The following DDX17 variants were observed in gnomAD, a reference collection of about 807,000 sequenced individuals.
DDX17 encodes the protein DEAD-box helicase 17.
DDX17 carries 10 observed loss-of-function variants against 80.8 expected under a neutral mutation model. The observed-to-expected ratio is 0.12, with a 90% CI of 0.08 to 0.21. The LOEUF (loss-of-function observed/expected upper bound fraction) is 0.21, where lower values mean the gene tolerates loss of function less well. Among genes scored for constraint, DDX17 ranks in the 10% least tolerant of loss-of-function variants. The pLI is 1.00. For missense variants in DDX17, 586 were observed against 957.4 expected, an observed-to-expected ratio of 0.61 and a Z score of 5.12; for synonymous variants, 339 against 336.2, an observed-to-expected ratio of 1.01 and a Z score of -0.09.
At chr22:38,497,101 G>A (rs2089775909) in intron 5 of DDX17, among the ~76,000 whole-genome samples, 1 of 151,706 alleles carries the variant, frequency 6.6e-6, no homozygotes, top group Non-Finnish European at 1.5e-5. Flanking sequence ...TTCGAGACCA[G>A]TCTGGCCAAC....
Position 38,484,374 on chromosome 22 carries a change from T to C in DDX17, c.*1561A>G, listed in dbSNP as rs930125450. 3.3e-5 allele frequency: 5 copies of C among 152,254 alleles called. No homozygotes were observed. Among genetic ancestry groups the C allele is most frequent in the Non-Finnish European group, 7.4e-5 (5 of 68,026 alleles). The allele number at this position is 152,254 out of a possible 1,614,324, so 9.4% of individuals were successfully genotyped here. On this transcript the variant is annotated 3_prime_UTR_variant, in exon 13 of 13. Coordinates refer to ENST00000403230, the MANE Select transcript of DDX17 (RefSeq NM_006386.5). ...TACCTGTATGTTGCACATTGAATCA[T>C]ACTTTCAGAACCCCTCAGAAACCAT...
chr22:38,497,785 C>CA lies in DDX17; in HGVS notation c.738+299dup, dbSNP rs577444667. On this transcript the variant is annotated intron_variant, in intron 5 of 12. Coordinates refer to ENST00000403230, the MANE Select transcript of DDX17 (RefSeq NM_006386.5). ...CTCAAAAAAACACAAAAAATCAAAACAAAAAAACAAAAAAAACCACACCAA... is the reference window on the plus strand; with the variant it reads ...CTCAAAAAAACACAAAAAATCAAAACAAAAAAAACAAAAAAAACCACACCAA... Among the ~76,000 whole-genome samples the CA allele has an allele frequency of 7.9e-5, 12 of 151,440 alleles. No homozygotes were observed. The South Asian group carries it at 1.7e-3, about 21-fold the overall frequency.
At chr22:38,504,784 A>AT (rs1232795775) in intron 1 of DDX17, among the ~76,000 whole-genome samples, 1 of 152,180 alleles carries the variant, frequency 6.6e-6, no homozygotes, top group Non-Finnish European at 1.5e-5. Context: ...TTATCTCTTA[A>AT]TTCCTGACAA....
chr22:38,498,022 A>G (rs890275673), intron 5 of DDX17, 63 bp downstream of exon 5: 2 of 1,499,276 alleles, frequency 1.3e-6, no homozygotes, highest in African/African-American at 2.8e-5. Flanking sequence ...TAAAGCACCA[A>G]GCCTAAATAG....
chr22:38,489,850 G>A lies in DDX17; in HGVS notation c.1448-1735C>T, dbSNP rs904181365. On this transcript the variant is annotated intron_variant, in intron 11 of 12. Transcript: ENST00000403230. The surrounding 1 kb of genome is among the most constrained non-coding windows in gnomAD (Gnocchi z 4.6). ...GGGCCAGGGTGGATGTAAGACAGGG[G>A]GTGGGGAATTCTACTCCATGGTATC... 1 of 985,824 alleles carries A rather than the reference G, an allele frequency of 1.0e-6. No individual in the cohort carries two copies. The highest frequency in any genetic ancestry group is 1.7e-5 in the African/African-American group (1 of 57,212). 61.1% of individuals were successfully genotyped at this position (985,824 alleles called of 1,614,324 possible).
At chr22:38,498,905 C>T (rs1280088693) in intron 3 of DDX17, among the ~76,000 whole-genome samples, 1 of 152,118 alleles carries the variant, frequency 6.6e-6, no homozygotes, top group African/African-American at 2.4e-5. Flanking sequence ...ATTCCAGCTA[C>T]TCGGGAGGGT....
At position 38,489,490 on chromosome 22, in the gene DDX17, A is replaced by C; in HGVS notation, c.1448-1375T>G. 1 of 985,696 alleles carries C rather than the reference A, an allele frequency of 1.0e-6. No individual in the cohort carries two copies. Among genetic ancestry groups the C allele is most frequent in the Non-Finnish European group, 1.2e-6 (1 of 829,924 alleles). The allele number at this position is 985,696 out of a possible 1,614,324, so 61.1% of individuals were successfully genotyped here. A position where few individuals can be genotyped will look rare whatever the true frequency, so the allele number is the denominator to read the frequency against. On this transcript the variant is annotated intron_variant, in intron 11 of 12. Coordinates refer to ENST00000403230, the MANE Select transcript of DDX17 (RefSeq NM_006386.5). This position sits in a 1 kb window ranked among gnomAD's most constrained non-coding sequence, Gnocchi z 4.6. ...TCGGGTAAAAATTTCAGGTCCTCCA[A>C]CGCCTCCCCCAAGGATAATTGGGGT...
chr22:38,488,516 A>C (rs2145687497), intron 11 of DDX17: 1 of 1,049,502 alleles, frequency 9.5e-7, no homozygotes, highest in East Asian at 7.9e-5. Flanking sequence ...TTATGAGGCC[A>C]AATCACTTCT....
rs1372138916 is a variant in DDX17 at position 38,506,214 on chromosome 22, C to T, written c.24G>A (p.Pro8=). 1 of 1,606,850 alleles carries T rather than the reference C, an allele frequency of 6.2e-7. No individual in the cohort carries two copies. The highest frequency in any genetic ancestry group is 1.7e-5 in the Admixed American group (1 of 58,872). Reference sequence around the variant, plus strand: ...GAGACGGGAGCAAAACACAGAGAATCGGGGCTACAAAGCCGGTGGGCAGGT... The same window carrying T: ...GAGACGGGAGCAAAACACAGAGAATTGGGGCTACAAAGCCGGTGGGCAGGT... The change falls in exon 1 of 13, where the codon CCG becomes CCA. Residue 8 remains proline (P), a synonymous_variant. Coordinates refer to ENST00000403230, the MANE Select transcript of DDX17 (RefSeq NM_006386.5).
At chr22:38,502,166 T>C (rs1161445485) in intron 1 of DDX17, among the ~76,000 whole-genome samples, 1 of 152,196 alleles carries the variant, frequency 6.6e-6, no homozygotes, top group East Asian at 1.9e-4. Flanking sequence ...ATCCCAGCAC[T>C]TTGGGAGGCG....
chr22:38,494,412 G>GTA, intron 8 of DDX17: 2 of 624,884 alleles, frequency 3.2e-6, no homozygotes, highest in Non-Finnish European at 5.4e-6. Flanking sequence ...TATACAGCTT[G>GTA]TAATCAGCAG....
chr22:38,503,308 G>C (rs911789997), intron 1 of DDX17, among the ~76,000 whole-genome samples: 1 of 152,136 alleles, frequency 6.6e-6, no homozygotes, highest in Admixed American at 6.6e-5. Context: ...AATTATAAAA[G>C]ACTTCATTGT....
At chr22:38,505,521 T>C (rs13055883) in intron 1 of DDX17, 1,769 of 169,890 alleles carry the variant, frequency 0.01, 16 homozygotes, top group South Asian at 0.015. Flanking sequence ...AAGGCTTTCC[T>C]GGGCTGAAGT....
At chr22:38,496,485 G>A (rs2089769527) in intron 5 of DDX17, among the ~76,000 whole-genome samples, 1 of 152,170 alleles carries the variant, frequency 6.6e-6, no homozygotes, top group South Asian at 2.1e-4. Flanking sequence ...GAGTAGCTGG[G>A]ACTAGAGGCA....
In DDX17 at chr22:38,498,581, AG is replaced by A. The variant is rs2089792621; in HGVS notation, c.539-9del. On this transcript the variant is annotated splice_polypyrimidine_tract_variant and intron_variant, in intron 3 of 12. Transcript: ENST00000403230. ...ACACATCCATTACATATTCTGTAAG[AG>A]AATTTTATTTTGCGTATTTTATTGT... 1.2e-6 allele frequency: 2 copies of A among 1,613,298 alleles called. No homozygotes were observed. The highest frequency in any genetic ancestry group is 1.7e-6 in the Non-Finnish European group (2 of 1,179,294).
intron 11 of DDX17, chr22:38,490,279 G>A (rs1295489801): frequency 1.6e-6 from 2 of 1,265,580 alleles, no homozygotes; most frequent in Non-Finnish European, 2.0e-6. Flanking sequence ...ACTGGGATAA[G>A]AACCTTTTGT....
chr22:38,487,781 A>G, intron 12 of DDX17, 98 bp downstream of exon 12: 2 of 1,248,738 alleles, frequency 1.6e-6, no homozygotes, highest in South Asian at 2.5e-5. Flanking sequence ...TAAGCAACAT[A>G]CTTACAGCCT....
At chr22:38,493,627 G>T in intron 10 of DDX17, 83 bp downstream of exon 10, 1 of 1,133,190 alleles carries the variant, frequency 8.8e-7, no homozygotes, top group Non-Finnish European at 1.3e-6. Context: ...CAGAAAGTTT[G>T]CCTATCCCTG....
chr22:38,498,721 C>A, intron 3 of DDX17, 148 bp from the exon 4 acceptor site: 1 of 824,018 alleles, frequency 1.2e-6, no homozygotes, highest in Non-Finnish European at 1.9e-6. Flanking sequence ...GATCTCCGAC[C>A]AACTCACTGT....
Sources: allele counts gnomAD v4.1 joint callset (sites outside exome capture counted in the v4.1 genomes callset), GRCh38; gene constraint gnomAD v4.1.1; non-coding constraint Gnocchi (gnomAD v3.1); transcripts MANE v1.5; gene names NCBI Gene and HGNC (gene_info 2026-07-23, HGNC 2026-07-21).